Variants in THSD4 observed in about 807,000 individuals in gnomAD.
THSD4 encodes the protein thrombospondin type-1 domain-containing protein 4.
A neutral mutation model predicts 119.0 loss-of-function variants in THSD4; 69 were observed. That is an observed-to-expected ratio of 0.58 (90% confidence interval 0.48 to 0.71). The LOEUF is 0.71. Ranked by LOEUF, THSD4 falls within the 30% of genes least tolerant of loss-of-function variation. The pLI is 0.00. For synonymous variants in THSD4, 524 were observed against 540.4 expected (o/e 0.97, Z 0.42); for missense variants, 1,393 against 1,391.1 (o/e 1.00, Z -0.02).
At chr15:71,317,380 A>G (rs979176443) in intron 6 of THSD4, among the ~76,000 whole-genome samples, 3 of 152,222 alleles carry the variant, frequency 2.0e-5, no homozygotes, top group Non-Finnish European at 4.4e-5. Context: ...CCACATGGCT[A>G]TGGAGGCTTC....
At chr15:71,240,835 A>ACT (rs2044146451) in intron 4 of THSD4, among the ~76,000 whole-genome samples, 1 of 149,346 alleles carries the variant, frequency 6.7e-6, no homozygotes, top group Non-Finnish European at 1.5e-5. Context: ...ACACACACAC[A>ACT]CACATATATA....
chr15:71,607,006 A>G (rs1286902492), intron 7 of THSD4, among the ~76,000 whole-genome samples: 1 of 152,230 alleles, frequency 6.6e-6, no homozygotes, highest in Non-Finnish European at 1.5e-5. Flanking sequence ...ATGCTCCAAC[A>G]GAAGTGTATT....
intron 7 of THSD4, among the ~76,000 whole-genome samples, chr15:71,434,462 T>TAA (rs1555413342): frequency 0.21 from 26,599 of 124,832 alleles, 3,646 homozygotes; most frequent in East Asian, 0.35. Flanking sequence ...TTTTTTTTTT[T>TAA]AATTTCTGAA....
At chr15:71,523,058 C>T (rs2048465894) in intron 7 of THSD4, among the ~76,000 whole-genome samples, 1 of 152,124 alleles carries the variant, frequency 6.6e-6, no homozygotes, top group Non-Finnish European at 1.5e-5. Context: ...TGGAGTAAGT[C>T]AGTGTTAGCT....
chr15:71,737,246 T>C (rs1313499068), intron 10 of THSD4, among the ~76,000 whole-genome samples: 1 of 152,218 alleles, frequency 6.6e-6, no homozygotes, highest in Non-Finnish European at 1.5e-5. Flanking sequence ...GCATTTCAAA[T>C]TTGGATAAAT....
At chr15:71,259,258 CAG>C (rs1379487694) in intron 6 of THSD4, among the ~76,000 whole-genome samples, 1 of 152,162 alleles carries the variant, frequency 6.6e-6, no homozygotes, top group African/African-American at 2.4e-5. Flanking sequence ...AAGAGCTAGG[CAG>C]AGACAAGGAA....
At chr15:71,150,507 T>G (rs1365195890) in intron 2 of THSD4, among the ~76,000 whole-genome samples, 1 of 152,228 alleles carries the variant, frequency 6.6e-6, no homozygotes, top group Non-Finnish European at 1.5e-5. Flanking sequence ...TTTATTCTAT[T>G]CCATTCAGAG....
At chr15:71,281,385 G>A (rs1358809451) in intron 6 of THSD4, among the ~76,000 whole-genome samples, 2 of 152,218 alleles carry the variant, frequency 1.3e-5, no homozygotes, top group Admixed American at 6.5e-5. Context: ...ACAGGAAAAC[G>A]CATATGGCTC....
chr15:71,586,935 T>C (rs902129481), intron 7 of THSD4, among the ~76,000 whole-genome samples: 22 of 152,194 alleles, frequency 1.4e-4, no homozygotes, highest in Middle Eastern at 3.2e-3. Flanking sequence ...AAAATGCACA[T>C]AGGAATAAGC....
In THSD4 at chr15:71,097,844, G is replaced by A. The variant is rs535609639; in HGVS notation, c.-80+838G>A. Among the ~76,000 whole-genome samples, 25 of 151,452 alleles carry A rather than the reference G, an allele frequency of 1.7e-4. No homozygotes were observed. In the South Asian group the frequency reaches 2.9e-3, roughly 18 times the overall value. On this transcript the variant is annotated intron_variant, in intron 1 of 17. Transcript: ENST00000355327. ...ATTATTTCTTACACTGATCACTGTC[G>A]TGTGTTTTAATGAAACTGAGGCAAG...
At chr15:71,215,763 C>A (rs2043927566) in intron 4 of THSD4, among the ~76,000 whole-genome samples, 1 of 152,056 alleles carries the variant, frequency 6.6e-6, no homozygotes, top group African/African-American at 2.4e-5. Context: ...TGGATTAAAG[C>A]TGAGGACACA....
At chr15:71,489,499 A>C (rs1211293035) in intron 7 of THSD4, among the ~76,000 whole-genome samples, 1 of 152,152 alleles carries the variant, frequency 6.6e-6, no homozygotes, top group Non-Finnish European at 1.5e-5. Flanking sequence ...ACTCCTCTGC[A>C]GGCGATGGAT....
intron 6 of THSD4, among the ~76,000 whole-genome samples, chr15:71,352,956 G>A (rs1395569748): frequency 6.6e-6 from 1 of 152,358 alleles, no homozygotes; most frequent in South Asian, 2.1e-4. Flanking sequence ...GAAATGCTGC[G>A]TCATCCTTGA....
intron 6 of THSD4, among the ~76,000 whole-genome samples, chr15:71,408,589 T>C (rs1482458250): frequency 6.6e-6 from 1 of 152,058 alleles, no homozygotes; most frequent in Admixed American, 6.6e-5. Flanking sequence ...CAGAGGCTTA[T>C]GCCTGTAATC....
chr15:71,166,558 C>T (rs941516662), intron 3 of THSD4, among the ~76,000 whole-genome samples: 7 of 151,992 alleles, frequency 4.6e-5, no homozygotes, highest in South Asian at 2.1e-4. Context: ...ACTTTTTCCC[C>T]GTGAGAAGAA....
chr15:71,728,890 T>G (rs2052918794), intron 9 of THSD4, 166 bp downstream of exon 9: 12 of 858,076 alleles, frequency 1.4e-5, no homozygotes, highest in African/African-American at 3.3e-5. Context: ...CATCTTTGCC[T>G]TTACTTCTGA....
rs562159840 is a variant in THSD4 at position 71,134,276 on chromosome 15, A to C, written c.-79-7173A>C. ...AAATGTGACCGGGCCTGGGGCTCCAAGGTCAGCGTCCCTGAATACTTCTGG... is the reference window on the plus strand; with the variant it reads ...AAATGTGACCGGGCCTGGGGCTCCACGGTCAGCGTCCCTGAATACTTCTGG... On this transcript the variant is annotated intron_variant, in intron 1 of 17. Transcript: ENST00000261862. Among the ~76,000 whole-genome samples, 12 of 152,362 alleles carry C rather than the reference A, an allele frequency of 7.9e-5. No individual in the cohort carries two copies. The South Asian group carries it at 2.5e-3, about 32-fold the overall frequency.
At chr15:71,495,582 GTCAAATAGGACCTGC>G (rs2048002600) in intron 7 of THSD4, among the ~76,000 whole-genome samples, 3 of 152,270 alleles carry the variant, frequency 2.0e-5, no homozygotes, top group Admixed American at 2.0e-4. Context: ...TACCAGACAA[GTCAAATAGGACCTGC>G]TCAAATTCTG....
At chr15:71,598,005 A>T (rs2049937794) in intron 7 of THSD4, among the ~76,000 whole-genome samples, 1 of 152,080 alleles carries the variant, frequency 6.6e-6, no homozygotes, top group South Asian at 2.1e-4. Flanking sequence ...CCAGATGAAT[A>T]AGTCATGGTT....
Sources: allele counts gnomAD v4.1 joint callset (sites outside exome capture counted in the v4.1 genomes callset), GRCh38; gene constraint gnomAD v4.1.1; transcripts MANE v1.5; gene names NCBI Gene and HGNC (gene_info 2026-07-23, HGNC 2026-07-21).